The following ZNF536 variants were observed in gnomAD, a reference collection of about 807,000 sequenced individuals.
ZNF536 encodes zinc finger protein 536.
ZNF536 carries 13 observed loss-of-function variants against 84.5 expected under a neutral mutation model. That is an observed-to-expected ratio of 0.15 (90% CI 0.10 to 0.24). ZNF536 has a LOEUF of 0.24. Ranked by LOEUF, ZNF536 falls within the 10% of genes least tolerant of loss-of-function variation. The pLI is 1.00. For missense variants in ZNF536, 1,536 were observed against 1,747.5 expected (o/e 0.88, Z 2.16); for synonymous variants, 811 against 742.5 (o/e 1.09, Z -1.50).
intron 2 of ZNF536, among the ~76,000 whole-genome samples, chr19:30,291,566 C>T (rs1292852657): frequency 6.6e-6 from 1 of 151,958 alleles, no homozygotes; most frequent in Non-Finnish European, 1.5e-5. Flanking sequence ...TTGTTTGGGC[C>T]TATATGTTTC....
At chr19:30,640,247 T>G (rs2049221165) in intron 1 of ZNF536, among the ~76,000 whole-genome samples, 1 of 148,340 alleles carries the variant, frequency 6.7e-6, no homozygotes. Context: ...AGTGAGACCC[T>G]GTCTCAAGAA....
chr19:30,544,742 C>A (rs12460433), intron 3 of ZNF536, among the ~76,000 whole-genome samples: 15,337 of 152,254 alleles, frequency 0.1, 1,071 homozygotes, highest in Non-Finnish European at 0.15. Flanking sequence ...GTTTCTGAGT[C>A]AGTGGGTGAC....
intron 1 of ZNF536, among the ~76,000 whole-genome samples, chr19:30,634,094 T>A: frequency 6.6e-6 from 1 of 151,762 alleles, no homozygotes; most frequent in East Asian, 1.9e-4. Context: ...TTCCATTGCA[T>A]CCCTGTGCTA....
At chr19:30,707,606 G>A (rs1049691700) in intron 1 of ZNF536, among the ~76,000 whole-genome samples, 11 of 152,180 alleles carry the variant, frequency 7.2e-5, no homozygotes, top group African/African-American at 1.2e-4. Context: ...TCTTAACTCC[G>A]AAGTCTGTAG....
intron 1 of ZNF536, among the ~76,000 whole-genome samples, chr19:30,668,092 A>G (rs1162317746): frequency 6.6e-6 from 1 of 152,144 alleles, no homozygotes; most frequent in Non-Finnish European, 1.5e-5. Flanking sequence ...AACTGCTCCA[A>G]GTTATCTGGA....
In ZNF536 at chr19:30,628,583, C is replaced by G. The variant is rs1368978832; in HGVS notation, c.169+79069C>G. On this transcript the variant is annotated intron_variant, in intron 1 of 1. Coordinates refer to the ZNF536 transcript ENST00000592773. ...AGCTGGGACTACAGGTACCCGCCAC[C>G]ACGCCTGGCTAAGTTTTTGTATTTT... Among the ~76,000 whole-genome samples, 4 of 152,118 alleles carry G rather than the reference C, an allele frequency of 2.6e-5. No individual in the cohort carries two copies. In the East Asian group the frequency reaches 7.7e-4, roughly 29 times the overall value.
intron 1 of ZNF536, among the ~76,000 whole-genome samples, chr19:30,268,353 CTATT>C (rs1161539947): frequency 1.3e-5 from 2 of 152,184 alleles, no homozygotes; most frequent in Non-Finnish European, 2.9e-5. Context: ...CAACCCATCA[CTATT>C]TAATACTTGG....
intron 1 of ZNF536, among the ~76,000 whole-genome samples, chr19:30,271,942 A>G (rs1477673510): frequency 6.6e-6 from 1 of 152,228 alleles, no homozygotes; most frequent in Non-Finnish European, 1.5e-5. Flanking sequence ...AACTGGTAGA[A>G]TGAGGTCTTC....
intron 2 of ZNF536, among the ~76,000 whole-genome samples, chr19:30,512,335 A>C (rs868248028): frequency 3.3e-5 from 5 of 152,286 alleles, no homozygotes; most frequent in Middle Eastern, 6.8e-3. Context: ...AATGGCCCAA[A>C]TGTATTGCTG....
intron 2 of ZNF536, among the ~76,000 whole-genome samples, chr19:30,325,064 G>A (rs1443499928): frequency 6.6e-6 from 1 of 152,214 alleles, no homozygotes; most frequent in African/African-American, 2.4e-5. Context: ...GGGGAGCCTT[G>A]CAGAGACACC....
intron 2 of ZNF536, among the ~76,000 whole-genome samples, chr19:30,333,424 G>A (rs982121062): frequency 1.3e-5 from 2 of 152,174 alleles, no homozygotes; most frequent in Admixed American, 1.3e-4. Context: ...GAGAATGAAT[G>A]CCCACACTGA....
intron 2 of ZNF536, among the ~76,000 whole-genome samples, chr19:30,455,980 A>G (rs1390304689): frequency 6.6e-6 from 1 of 152,230 alleles, no homozygotes; most frequent in Non-Finnish European, 1.5e-5. Context: ...TTTCCTGTAA[A>G]GAACCAGCTA....
chr19:30,250,111 GTTT>G (rs1318487544), intron 1 of ZNF536, among the ~76,000 whole-genome samples: 5 of 152,218 alleles, frequency 3.3e-5, no homozygotes, highest in Non-Finnish European at 7.3e-5. Flanking sequence ...TGACTCTGAT[GTTT>G]GGGATGTGCA....
At chr19:30,289,986 G>C (rs1485777021) in intron 2 of ZNF536, among the ~76,000 whole-genome samples, 1 of 152,240 alleles carries the variant, frequency 6.6e-6, no homozygotes, top group East Asian at 1.9e-4. Context: ...TCTCTAGAAC[G>C]TTTTGAAACG....
intron 1 of ZNF536, among the ~76,000 whole-genome samples, chr19:30,599,995 A>G (rs2047625683): frequency 6.6e-6 from 1 of 151,510 alleles, no homozygotes; most frequent in Non-Finnish European, 1.5e-5. Context: ...ACTGGGGGAA[A>G]AAGTGGTGAT....
chr19:30,670,643 G>A (rs1406590321), intron 1 of ZNF536, among the ~76,000 whole-genome samples: 5 of 152,222 alleles, frequency 3.3e-5, no homozygotes, highest in African/African-American at 9.6e-5. Flanking sequence ...TTTGTTGGGG[G>A]AGGCATTTCC....
intron 2 of ZNF536, among the ~76,000 whole-genome samples, chr19:30,294,226 G>C (rs956771321): frequency 2.0e-5 from 3 of 152,190 alleles, no homozygotes; most frequent in African/African-American, 7.2e-5. Flanking sequence ...TAGCTGGGGA[G>C]GTAGAGGCAC....
chr19:30,379,292 G>A (rs962336156), intron 1 of ZNF536, among the ~76,000 whole-genome samples: 29 of 152,044 alleles, frequency 1.9e-4, no homozygotes, highest in African/African-American at 6.0e-4. Flanking sequence ...GGGAGCTCCC[G>A]GTGAGGATAA....
chr19:30,499,590 T>C (rs2054867158), intron 2 of ZNF536, among the ~76,000 whole-genome samples: 1 of 152,224 alleles, frequency 6.6e-6, no homozygotes, highest in African/African-American at 2.4e-5. Flanking sequence ...TAATATGACT[T>C]TATATTTTAT....
Sources: gnomAD v4.1 joint callset for allele counts (sites outside exome capture counted in the v4.1 genomes callset) on GRCh38, gnomAD v4.1.1 for gene constraint, MANE v1.5 for transcripts, NCBI Gene and HGNC (gene_info 2026-07-23, HGNC 2026-07-21) for gene names.